Variants in CTNNA3 observed in about 807,000 individuals in gnomAD.
CTNNA3 encodes catenin alpha 3, also known as catenin alpha-3.
In CTNNA3, 76 loss-of-function variants were observed where a neutral mutation model predicts 95.7. The ratio of observed to expected loss-of-function variants is 0.79; its 90% CI spans 0.66 to 0.96. CTNNA3 has a LOEUF of 0.96. CTNNA3 is among the 40% of genes least tolerant of loss of function. The pLI is 0.00. For missense variants in CTNNA3, 1,191 were observed against 1,089.8 expected (o/e 1.09, Z -1.31); for synonymous variants, 431 against 374.4 (o/e 1.15, Z -1.74).
Position 66,280,469 on chromosome 10 carries a change from C to A in CTNNA3, c.1884+1G>T, listed in dbSNP as rs138101734. 6.2e-7 allele frequency: 1 copy of A among 1,601,778 alleles called. No individual in the cohort carries two copies. The highest frequency in any genetic ancestry group is 8.5e-7 in the Non-Finnish European group (1 of 1,175,384). Reference sequence around the variant, plus strand: ...TTCAATGGAAGGAAAAGCAAACTTACCCGAATCATCATGACTGAACATCTG... The same window carrying A: ...TTCAATGGAAGGAAAAGCAAACTTAACCGAATCATCATGACTGAACATCTG... On this transcript the variant is annotated splice_donor_variant, in intron 13 of 17. Coordinates refer to ENST00000433211, the MANE Select transcript of CTNNA3 (RefSeq NM_013266.4). LOFTEE classifies it high-confidence loss of function.
chr10:65,944,648 T>C (rs769830966), intron 17 of CTNNA3, among the ~76,000 whole-genome samples: 2 of 152,162 alleles, frequency 1.3e-5, no homozygotes, highest in African/African-American at 4.8e-5. Context: ...TATTAAGCCA[T>C]TTAGCTGGCA....
At chr10:66,448,661 A>C (rs915344457) in intron 11 of CTNNA3, among the ~76,000 whole-genome samples, 3 of 142,584 alleles carry the variant, frequency 2.1e-5, no homozygotes, top group Admixed American at 7.3e-5. Context: ...GGAACATCAC[A>C]CTTCAAGGAC....
rs191853900 is a variant in CTNNA3 at position 67,406,730 on chromosome 10, T to C, written c.579+115112A>G. On this transcript the variant is annotated intron_variant, in intron 5 of 17. Transcript: ENST00000433211. The stretch of plus-strand genomic sequence containing the variant: ...CAAATAAACACAATCAGAAATGACA[T>C]GGAGGATATTACCACTGACCCACAG... Among the ~76,000 whole-genome samples the C allele has an allele frequency of 1.6e-4, 24 of 151,972 alleles. No homozygotes were observed. In the East Asian group the frequency reaches 4.6e-3, roughly 29 times the overall value.
intron 5 of CTNNA3, among the ~76,000 whole-genome samples, chr10:67,237,126 GTATATATATATATATATATATATATA>G (rs59511861): frequency 1.3e-4 from 5 of 39,846 alleles, no homozygotes; most frequent in African/African-American, 5.2e-4. Context: ...TATGGTGTAT[GTATATATATATATATATATATATATA>G]TATATATATA....
In CTNNA3 at chr10:67,533,614, C is replaced by T. The variant is rs149330326; in HGVS notation, c.459+5889G>A. On this transcript the variant is annotated intron_variant, in intron 4 of 17. Coordinates refer to ENST00000433211, the MANE Select transcript of CTNNA3 (RefSeq NM_013266.4). Reference sequence around the variant, plus strand: ...AGAACACACACATTTCCTTAAGGAACTAGACACGTTTAAAAGTGCCATGTC... The same window carrying T: ...AGAACACACACATTTCCTTAAGGAATTAGACACGTTTAAAAGTGCCATGTC... Among the ~76,000 whole-genome samples, 95 of 152,230 alleles carry T rather than the reference C, an allele frequency of 6.2e-4. No individual in the cohort carries two copies. The East Asian group carries it at 0.016, about 26-fold the overall frequency.
At chr10:67,258,113 CT>C (rs1161176709) in intron 5 of CTNNA3, among the ~76,000 whole-genome samples, 1 of 152,018 alleles carries the variant, frequency 6.6e-6, no homozygotes, top group African/African-American at 2.4e-5. Flanking sequence ...TCTGCATTTC[CT>C]TGCTCATTTC....
At chr10:66,169,986 T>C (rs2085333300) in intron 13 of CTNNA3, among the ~76,000 whole-genome samples, 1 of 152,168 alleles carries the variant, frequency 6.6e-6, no homozygotes, top group Non-Finnish European at 1.5e-5. Context: ...TTTACTCTGC[T>C]GACTATTTCT....
intron 11 of CTNNA3, among the ~76,000 whole-genome samples, chr10:66,441,390 C>A (rs2093374574): frequency 4.6e-5 from 7 of 152,074 alleles, no homozygotes; most frequent in Admixed American, 3.9e-4. Flanking sequence ...ATAAAAATTT[C>A]TCTGGAGAAA....
intron 15 of CTNNA3, among the ~76,000 whole-genome samples, chr10:66,045,824 C>T (rs183660137): frequency 5.2e-4 from 79 of 152,318 alleles, no homozygotes; most frequent in Admixed American, 7.8e-4. Context: ...GAAACTACAG[C>T]TGTATTCTTC....
rs920910344 is a variant in CTNNA3 at position 66,185,147 on chromosome 10, T to C, written c.1885-81898A>G. Reference sequence around the variant, plus strand: ...TGAATCTTCTAAATTAGTTGATTACTAAGTTAGAAACAATGTACTAAACAA... The same window carrying C: ...TGAATCTTCTAAATTAGTTGATTACCAAGTTAGAAACAATGTACTAAACAA... On this transcript the variant is annotated intron_variant, in intron 13 of 17. Transcript: ENST00000433211. Among the ~76,000 whole-genome samples, 3 of 152,180 alleles carry C rather than the reference T, an allele frequency of 2.0e-5. No homozygotes were observed. The South Asian group carries it at 6.2e-4, about 31-fold the overall frequency.
In CTNNA3 at chr10:67,365,293, A is replaced by G. The variant is rs549428658; in HGVS notation, c.580-145423T>C. ...AACCCTAGAAGAAAACCTAGGCAAT[A>G]CCATTCAGGACATAGGCATGGGCAA... On this transcript the variant is annotated intron_variant, in intron 5 of 17. Transcript: ENST00000433211. 1.3e-4 allele frequency among the ~76,000 whole-genome samples: 20 copies of G among 152,310 alleles called. No homozygotes were observed. In the East Asian group the frequency reaches 2.9e-3, roughly 22 times the overall value.
chr10:67,205,043 CT>C (rs1863827771), intron 6 of CTNNA3, among the ~76,000 whole-genome samples: 1 of 152,190 alleles, frequency 6.6e-6, no homozygotes, highest in Non-Finnish European at 1.5e-5. Flanking sequence ...ATGTCTACAC[CT>C]TAGCAGAATT....
chr10:66,526,043 C>T (rs1413032562), intron 10 of CTNNA3, among the ~76,000 whole-genome samples: 1 of 152,110 alleles, frequency 6.6e-6, no homozygotes, highest in African/African-American at 2.4e-5. Context: ...TTTGCTCACC[C>T]ATTCATCTGT....
At chr10:67,085,959 C>T (rs1317728050) in intron 7 of CTNNA3, among the ~76,000 whole-genome samples, 2 of 151,934 alleles carry the variant, frequency 1.3e-5, no homozygotes, top group Admixed American at 6.6e-5. Flanking sequence ...AAGATCTTTC[C>T]CTCCACTCTC....
chr10:67,703,159 A>G (rs1185696519), intron 1 of CTNNA3, among the ~76,000 whole-genome samples: 8 of 152,258 alleles, frequency 5.3e-5, no homozygotes. Flanking sequence ...AAAAGAGTCC[A>G]GGACCAGAAG....
At chr10:67,107,350 G>A (rs573705007) in intron 7 of CTNNA3, among the ~76,000 whole-genome samples, 3 of 152,158 alleles carry the variant, frequency 2.0e-5, no homozygotes, top group African/African-American at 4.8e-5. Flanking sequence ...CTTTGAGGTG[G>A]GGGAAAAGAA....
chr10:67,077,931 A>G (rs1238410797), intron 7 of CTNNA3, among the ~76,000 whole-genome samples: 3 of 152,196 alleles, frequency 2.0e-5, no homozygotes, highest in Non-Finnish European at 2.9e-5. Flanking sequence ...GGACAGAGAG[A>G]GAATATAAGT....
chr10:67,492,080 C>T (rs898444959), intron 5 of CTNNA3, among the ~76,000 whole-genome samples: 5 of 151,576 alleles, frequency 3.3e-5, no homozygotes, highest in Non-Finnish European at 5.9e-5. Context: ...TTATTGACTC[C>T]GTGGGTGTAT....
At chr10:67,496,719 T>C (rs560959878) in intron 5 of CTNNA3, among the ~76,000 whole-genome samples, 44 of 152,270 alleles carry the variant, frequency 2.9e-4, no homozygotes, top group African/African-American at 9.9e-4. Context: ...CCTAATTCCA[T>C]CAATTTTGGA....
Sources: allele counts gnomAD v4.1 joint callset (sites outside exome capture counted in the v4.1 genomes callset), GRCh38; gene constraint gnomAD v4.1.1; transcripts MANE v1.5; gene names NCBI Gene and HGNC (gene_info 2026-07-23, HGNC 2026-07-21).